PRUNE1: variants seen among roughly 807,000 people sequenced by gnomAD.
PRUNE1 encodes the protein prune exopolyphosphatase 1, also known as exopolyphosphatase PRUNE1.
Under a neutral mutation model 42.5 loss-of-function variants are expected in PRUNE1, and 25 were observed. The ratio of observed to expected loss-of-function variants is 0.59; its 90% CI spans 0.43 to 0.82. The LOEUF is 0.82. PRUNE1 is among the 40% of genes least tolerant of loss of function. The pLI, the probability that PRUNE1 is intolerant of heterozygous loss-of-function variation, is 0.00. For synonymous variants in PRUNE1, 203 were observed against 217.1 expected, an observed-to-expected ratio of 0.93 and a Z score of 0.57; for missense variants, 443 against 539.3, an observed-to-expected ratio of 0.82 and a Z score of 1.77.
At chr1:151,022,734 T>A (rs1050186077) in intron 3 of PRUNE1, 2 of 119,460 alleles carry the variant, frequency 1.7e-5, no homozygotes, top group African/African-American at 5.1e-5. Flanking sequence ...TTATTTTAAA[T>A]ATATATATTT....
chr1:151,008,497 G>T lies in PRUNE1; in HGVS notation c.-136G>T, dbSNP rs1437078938. The T allele has an allele frequency of 3.1e-6, 4 of 1,270,032 alleles. No homozygotes were observed. The Admixed American group carries it at 7.1e-5, about 23-fold the overall frequency. 78.7% of individuals were successfully genotyped at this position (1,270,032 alleles called of 1,614,324 possible). ...GGGTCGGAGGCCGATTCGCCGTGTG[G>T]CGGGTTCGAGTCCCGCCTCCTGACT... On this transcript the variant is annotated 5_prime_UTR_variant, in exon 1 of 8. Coordinates refer to ENST00000271620, the MANE Select transcript of PRUNE1 (RefSeq NM_021222.3).
At chr1:151,013,511 C>G (rs1673910348) in intron 1 of PRUNE1, among the ~76,000 whole-genome samples, 1 of 152,172 alleles carries the variant, frequency 6.6e-6, no homozygotes, top group Admixed American at 6.6e-5. Flanking sequence ...GCATTCTCTT[C>G]ATGGTAAGGA....
In PRUNE1 at chr1:151,033,084, C is replaced by G. The variant is rs587631078; in HGVS notation, c.934-722C>G. Reference sequence around the variant, plus strand: ...CCACTGTGCCCGGCCTCAAGGATAACTTACTTTTTTTTTTTTTTGAGACGG... The same window carrying G: ...CCACTGTGCCCGGCCTCAAGGATAAGTTACTTTTTTTTTTTTTTGAGACGG... On this transcript the variant is annotated intron_variant, in intron 7 of 7. Transcript: ENST00000271620. 1.8e-3 allele frequency among the ~76,000 whole-genome samples: 238 copies of G among 132,322 alleles called. 1 individual carries two copies. Among genetic ancestry groups the G allele is most frequent in the African/African-American group, 6.3e-3 (221 of 35,336 alleles). 86.8% of individuals were successfully genotyped at this position (132,322 alleles called of 152,430 possible). A position where few individuals can be genotyped will look rare whatever the true frequency, so the allele number is the denominator to read the frequency against.
chr1:151,024,698 A>G lies in PRUNE1; in HGVS notation c.423A>G (p.Ser141=). The G allele has an allele frequency of 6.2e-7, 1 of 1,614,088 alleles. No individual in the cohort carries two copies. The highest frequency in any genetic ancestry group is 8.5e-7 in the Non-Finnish European group (1 of 1,179,998). ...AACACTGCCCTCCCTGCCATGTTTC[A>G]GTTGAGCTGGTGGGGTCCTGTGCTA... The part of the protein sequence containing the change: ...EPKHCPPCHV[S]VELVGSCATL... Residue 141 remains serine, a synonymous_variant, in exon 4 of 8, where the codon TCA becomes TCG. Coordinates refer to ENST00000271620, the MANE Select transcript of PRUNE1 (RefSeq NM_021222.3).
At chr1:151,024,420 G>A (rs926781984) in intron 3 of PRUNE1, among the ~76,000 whole-genome samples, 191 bp from the exon 4 acceptor site, 2 of 151,946 alleles carry the variant, frequency 1.3e-5, no homozygotes, top group Non-Finnish European at 2.9e-5. Context: ...GCTTGAACCC[G>A]AGATGCAAAG....
At chr1:151,010,476 A>T (rs1343671685) in intron 1 of PRUNE1, among the ~76,000 whole-genome samples, 1 of 152,038 alleles carries the variant, frequency 6.6e-6, no homozygotes, top group East Asian at 1.9e-4. Context: ...CCCTGCATTC[A>T]TCCCCCAAGG....
Position 151,008,686 on chromosome 1 carries a change from TCTGTGA to T in PRUNE1, c.39+20_39+25del. The T allele has an allele frequency of 6.2e-7, 1 of 1,613,772 alleles. No individual in the cohort carries two copies. Among genetic ancestry groups the T allele is most frequent in the Non-Finnish European group, 8.5e-7 (1 of 1,179,778 alleles). ...CTGCTCTGCAGGTAACGAATCCCTG[TCTGTGA>T]CTGTAAGGAATGGAGCACGGGGTCC... On this transcript the variant is annotated intron_variant, in intron 1 of 7. Transcript: ENST00000271620.
rs1367574533 is a variant in PRUNE1 at position 151,035,482 on chromosome 1, T to C, written c.*1248T>C. On this transcript the variant is annotated 3_prime_UTR_variant, in exon 8 of 8. Coordinates refer to ENST00000271620, the MANE Select transcript of PRUNE1 (RefSeq NM_021222.3). ...TTTCCCCTTTTTCCTACCCCACAGC[T>C]CTGTTCCATGTAAGTTGCCAACAGT... 1 of 152,578 alleles carries C rather than the reference T, an allele frequency of 6.6e-6. No individual in the cohort carries two copies. Among genetic ancestry groups the C allele is most frequent in the Non-Finnish European group, 1.5e-5 (1 of 68,062 alleles). 9.5% of individuals were successfully genotyped at this position (152,578 alleles called of 1,614,324 possible). A position where few individuals can be genotyped will look rare whatever the true frequency, so the allele number is the denominator to read the frequency against.
At chr1:151,025,855 C>T (rs1026390428) in intron 5 of PRUNE1, among the ~76,000 whole-genome samples, 182 bp downstream of exon 5, 2 of 151,854 alleles carry the variant, frequency 1.3e-5, no homozygotes, top group Non-Finnish European at 2.9e-5. Context: ...ATTCTCCTGC[C>T]TCAGCCTCCC....
intron 3 of PRUNE1, 28 bp downstream of exon 3, chr1:151,018,697 C>T (rs1479246561): frequency 1.9e-6 from 3 of 1,584,488 alleles, no homozygotes; most frequent in South Asian, 2.2e-5. Flanking sequence ...AAATTGCTAC[C>T]TATCATGTAC....
chr1:151,027,811 G>T (rs1674972410), intron 6 of PRUNE1, among the ~76,000 whole-genome samples: 1 of 151,518 alleles, frequency 6.6e-6, no homozygotes. Flanking sequence ...TGTCGATGGG[G>T]TCTCACTATG....
chr1:151,035,157 T>C lies in PRUNE1; in HGVS notation c.*923T>C, dbSNP rs1675479479. 6.6e-6 allele frequency: 1 copy of C among 152,210 alleles called. No individual in the cohort carries two copies. Among genetic ancestry groups the C allele is most frequent in the Non-Finnish European group, 1.5e-5 (1 of 68,048 alleles). The allele number at this position is 152,210 out of a possible 1,614,324, so 9.4% of individuals were successfully genotyped here. ...GTATTTTGGCAAGACACTTCACTACTCCAGGTCTCACTTTCCCCATCTGTA... is the reference window on the plus strand; with the variant it reads ...GTATTTTGGCAAGACACTTCACTACCCCAGGTCTCACTTTCCCCATCTGTA... On this transcript the variant is annotated 3_prime_UTR_variant, in exon 8 of 8. Transcript: ENST00000271620.
chr1:151,010,402 C>T (rs767064464), intron 1 of PRUNE1, among the ~76,000 whole-genome samples: 2 of 152,160 alleles, frequency 1.3e-5, no homozygotes, highest in South Asian at 2.1e-4. Flanking sequence ...ATATTCTCTA[C>T]AGCAATATGA....
At chr1:151,014,153 G>T (rs1002838665) in intron 1 of PRUNE1, among the ~76,000 whole-genome samples, 5 of 152,090 alleles carry the variant, frequency 3.3e-5, no homozygotes, top group African/African-American at 1.2e-4. Flanking sequence ...CTAATTTTTT[G>T]TATTTTTAGT....
chr1:151,024,712 G>C lies in PRUNE1; in HGVS notation c.437G>C (p.Gly146Ala). Residue 146 changes from glycine (G) to alanine (A), a missense_variant, in exon 4 of 8, where the codon GGG becomes GCG. Physicochemically the swap from Gly to Ala is moderately conservative, Grantham distance 60. Transcript: ENST00000271620. Reference protein sequence around the residue: ...PPCHVSVELVGSCATLVTERI... With the variant: ...PPCHVSVELVASCATLVTERI... ...TGCCATGTTTCAGTTGAGCTGGTGG[G>C]GTCCTGTGCTACCCTGGTGACCGAG... 1.2e-6 allele frequency: 2 copies of C among 1,614,078 alleles called. No individual in the cohort carries two copies. The highest frequency in any genetic ancestry group is 1.7e-6 in the Non-Finnish European group (2 of 1,180,008).
At chr1:151,008,775 C>G in intron 1 of PRUNE1, 104 bp downstream of exon 1, 8 of 1,324,734 alleles carry the variant, frequency 6.0e-6, no homozygotes, top group East Asian at 2.3e-5. Flanking sequence ...GGAGGGAACA[C>G]TGAGTTGTGG....
At chr1:151,021,436 C>A (rs1178643553) in intron 3 of PRUNE1, among the ~76,000 whole-genome samples, 1 of 152,150 alleles carries the variant, frequency 6.6e-6, no homozygotes, top group East Asian at 1.9e-4. Context: ...GCCTGTGCAA[C>A]AAGAGCGAAA....
intron 3 of PRUNE1, among the ~76,000 whole-genome samples, chr1:151,021,667 TGA>T (rs1298435472): frequency 6.6e-6 from 1 of 152,100 alleles, no homozygotes; most frequent in East Asian, 1.9e-4. Flanking sequence ...GAAGGCAGCC[TGA>T]GAGAGCATTA....
chr1:151,016,745 G>A lies in PRUNE1; in HGVS notation c.40-1067G>A, dbSNP rs992823117. 1.5e-4 allele frequency among the ~76,000 whole-genome samples: 23 copies of A among 151,248 alleles called. 1 individual carries two copies. The East Asian group carries it at 4.1e-3, about 27-fold the overall frequency. On this transcript the variant is annotated intron_variant, in intron 1 of 7. Coordinates refer to ENST00000271620, the MANE Select transcript of PRUNE1 (RefSeq NM_021222.3). ...TCAAACTCCTAACCTTAGGTGATCC[G>A]CCCGCCTCAGCCTCTCAAAGTGTTG...
Sources: gnomAD v4.1 joint callset for allele counts (sites outside exome capture counted in the v4.1 genomes callset) on GRCh38, gnomAD v4.1.1 for gene constraint, MANE v1.5 for transcripts, NCBI Gene and HGNC (gene_info 2026-07-23, HGNC 2026-07-21) for gene names.